The following PCDH11X variants were observed in gnomAD, a reference collection of about 807,000 sequenced individuals.
PCDH11X encodes protocadherin 11 X-linked, also known as protocadherin-11 X-linked.
PCDH11X carries 18 observed loss-of-function variants against 53.3 expected under a neutral mutation model. That is an observed-to-expected ratio of 0.34 (90% confidence interval 0.23 to 0.50). PCDH11X has a LOEUF of 0.50. PCDH11X is among the 20% of genes least tolerant of loss of function. The probability of loss-of-function intolerance (pLI) is 0.98; values close to 1 mark genes in which losing one functional copy is unlikely to be tolerated. For synonymous variants in PCDH11X, 279 were observed against 393.3 expected, an observed-to-expected ratio of 0.71 and a Z score of 3.44; for missense variants, 570 against 1,032.4, an observed-to-expected ratio of 0.55 and a Z score of 6.14.
chrX:92,427,987 A>C (rs767195658), intron 9 of PCDH11X, among the ~76,000 whole-genome samples: 2 of 93,039 alleles, frequency 2.1e-5, no homozygotes, highest in South Asian at 6.3e-4. Context: ...GTACTCTTGA[A>C]ATGGGTTTTA....
rs1005929602 is a variant in PCDH11X at position 92,286,244 on chromosome X, G to A, written c.3144+23101G>A. Among the ~76,000 whole-genome samples, 12 of 107,593 alleles carry A rather than the reference G, an allele frequency of 1.1e-4. No individual in the cohort carries two copies. The East Asian group carries it at 3.0e-3, about 27-fold the overall frequency. The allele number at this position is 107,593 out of a possible 115,157, so 93.4% of individuals were successfully genotyped here. A position where few individuals can be genotyped will look rare whatever the true frequency, so the allele number is the denominator to read the frequency against. ...GCCATCACAGCTTTATCACGCCTAC[G>A]TAATTTTTGCTTTGCTTCTCATCAA... On this transcript the variant is annotated intron_variant, in intron 8 of 10. Coordinates refer to ENST00000682573, the MANE Select transcript of PCDH11X (RefSeq NM_032968.5).
At chrX:92,301,211 G>A (rs922439950) in intron 8 of PCDH11X, among the ~76,000 whole-genome samples, 5 of 109,986 alleles carry the variant, frequency 4.5e-5, no homozygotes, top group African/African-American at 1.7e-4. Context: ...GCGGGATCCT[G>A]CAGGCACCCC....
intron 6 of PCDH11X, among the ~76,000 whole-genome samples, chrX:91,892,169 T>C (rs1940519412): frequency 9.3e-6 from 1 of 107,701 alleles, no homozygotes; most frequent in Admixed American, 1.0e-4. Flanking sequence ...CTCTCCTCAG[T>C]CACATCCAAG....
At chrX:91,901,519 C>T (rs1182409896) in intron 6 of PCDH11X, among the ~76,000 whole-genome samples, 4 of 111,066 alleles carry the variant, frequency 3.6e-5, no homozygotes, top group African/African-American at 9.8e-5. Flanking sequence ...TCTCCATAGG[C>T]ATAGGGAGAT....
chrX:91,911,609 T>C (rs936761932), intron 6 of PCDH11X, among the ~76,000 whole-genome samples: 1 of 110,078 alleles, frequency 9.1e-6, no homozygotes, highest in African/African-American at 3.3e-5. Flanking sequence ...CTTACCCTCC[T>C]CTCCCCAACT....
chrX:91,980,469 C>T (rs1467618470), intron 6 of PCDH11X, among the ~76,000 whole-genome samples: 7 of 110,119 alleles, frequency 6.4e-5, no homozygotes, highest in African/African-American at 2.0e-4. Flanking sequence ...AGGGTTTTTT[C>T]GTTTTGTTTT....
At chrX:92,123,147 G>A (rs1020253760) in intron 6 of PCDH11X, among the ~76,000 whole-genome samples, 1 of 110,962 alleles carries the variant, frequency 9.0e-6, no homozygotes, top group Non-Finnish European at 1.9e-5. Flanking sequence ...CCCACTGCAT[G>A]TTGGCCTATG....
chrX:92,359,125 T>G (rs1399823364), intron 8 of PCDH11X, among the ~76,000 whole-genome samples: 2 of 106,700 alleles, frequency 1.9e-5, no homozygotes, highest in Non-Finnish European at 1.9e-5. Flanking sequence ...TGCCTTTTGT[T>G]AGAAAAAATA....
intron 6 of PCDH11X, among the ~76,000 whole-genome samples, chrX:92,123,717 T>A (rs1328146937): frequency 2.8e-5 from 3 of 105,898 alleles, no homozygotes; most frequent in African/African-American, 1.0e-4. Flanking sequence ...CACCACACAC[T>A]CTTGTATCAG....
intron 8 of PCDH11X, among the ~76,000 whole-genome samples, chrX:92,353,602 G>T (rs779423990): frequency 1.6e-4 from 18 of 110,528 alleles, no homozygotes; most frequent in African/African-American, 5.6e-4. Context: ...ACTAATGCAT[G>T]ACGTCTTTTA....
Position 92,564,165 on chromosome X carries a change from T to TA in PCDH11X, c.3368-54099_3368-54098insA, listed in dbSNP as rs751835887. The stretch of plus-strand genomic sequence containing the variant: ...ATTTCGTGTTCATGGATTGGAAGAA[T>TA]CAATATTCTCAAAATGTCCATACTA... On this transcript the variant is annotated intron_variant, in intron 10 of 10. Transcript: ENST00000682573. Among the ~76,000 whole-genome samples the TA allele has an allele frequency of 3.6e-5, 4 of 110,485 alleles. No homozygotes were observed. In the South Asian group the frequency reaches 1.5e-3, roughly 42 times the overall value.
At chrX:91,953,259 C>T (rs1202750440) in intron 6 of PCDH11X, among the ~76,000 whole-genome samples, 1 of 110,617 alleles carries the variant, frequency 9.0e-6, no homozygotes, top group Non-Finnish European at 1.9e-5. Flanking sequence ...ATGATGTCAT[C>T]ATTTTACATT....
At chrX:92,506,117 G>A (rs1285606060) in intron 10 of PCDH11X, among the ~76,000 whole-genome samples, 1 of 106,741 alleles carries the variant, frequency 9.4e-6, no homozygotes, top group Non-Finnish European at 1.9e-5. Context: ...AACATAAATA[G>A]TTTGAATTAA....
At chrX:91,953,584 C>T (rs983393094) in intron 6 of PCDH11X, among the ~76,000 whole-genome samples, 15 of 110,775 alleles carry the variant, frequency 1.4e-4, no homozygotes, top group African/African-American at 5.0e-4. Context: ...CATTAGAGGT[C>T]TAACCACAAA....
chrX:92,553,147 T>C (rs888800803), intron 10 of PCDH11X, among the ~76,000 whole-genome samples: 12 of 108,487 alleles, frequency 1.1e-4, no homozygotes. Context: ...GTAGCATCCT[T>C]ATTAGCTTTT....
intron 7 of PCDH11X, among the ~76,000 whole-genome samples, chrX:92,241,712 C>A (rs1341450161): frequency 9.0e-6 from 1 of 111,707 alleles, no homozygotes; most frequent in Non-Finnish European, 1.9e-5. Flanking sequence ...AACTTGTTGG[C>A]TTCTCAAAAT....
At chrX:92,276,497 G>T (rs891518053) in intron 8 of PCDH11X, among the ~76,000 whole-genome samples, 2 of 110,375 alleles carry the variant, frequency 1.8e-5, no homozygotes, top group Non-Finnish European at 3.8e-5. Flanking sequence ...CCTTGGCCTG[G>T]TGGTCAGATT....
chrX:92,265,044 G>A (rs1239825410), intron 8 of PCDH11X, among the ~76,000 whole-genome samples: 1 of 109,335 alleles, frequency 9.1e-6, no homozygotes, highest in African/African-American at 3.3e-5. Flanking sequence ...GTCAAGAAGG[G>A]TAAGCAAGCA....
At chrX:92,205,606 T>G (rs985261374) in intron 7 of PCDH11X, among the ~76,000 whole-genome samples, 1,533 of 103,593 alleles carry the variant, frequency 0.015, 28 homozygotes, top group African/African-American at 0.051. Flanking sequence ...TGTTTTTTTT[T>G]TTTTTTTTTT....
Sources: gnomAD v4.1 joint callset for allele counts (sites outside exome capture counted in the v4.1 genomes callset) on GRCh38, gnomAD v4.1.1 for gene constraint, MANE v1.5 for transcripts, NCBI Gene and HGNC (gene_info 2026-07-23, HGNC 2026-07-21) for gene names.